RYR2: variants seen among roughly 807,000 people sequenced by gnomAD.
RYR2 encodes cardiac muscle ryanodine receptor-calcium release channel.
In RYR2, 227 loss-of-function variants were observed where a neutral mutation model predicts 601.1. The ratio of observed to expected loss-of-function variants is 0.38; its 90% CI spans 0.34 to 0.42. The LOEUF (loss-of-function observed/expected upper bound fraction) is 0.42, where lower values mean the gene tolerates loss of function less well. Among genes scored for constraint, RYR2 ranks in the 10% least tolerant of loss-of-function variants. The probability of loss-of-function intolerance (pLI) is 1.00; values close to 1 mark genes in which losing one functional copy is unlikely to be tolerated. For missense variants in RYR2, 4,646 were observed against 6,156.5 expected (o/e 0.75, Z 8.21); for synonymous variants, 2,223 against 2,175.1 (o/e 1.02, Z -0.61).
At chr1:237,326,718 G>T (rs149645669) in intron 2 of RYR2, among the ~76,000 whole-genome samples, 257 of 152,264 alleles carry the variant, frequency 1.7e-3, no homozygotes, top group African/African-American at 5.9e-3. Context: ...TAAGACTTAA[G>T]CAAAAACAAA....
At chr1:237,415,905 G>A (rs1429411665) in intron 10 of RYR2, among the ~76,000 whole-genome samples, 4 of 152,140 alleles carry the variant, frequency 2.6e-5, no homozygotes, top group Non-Finnish European at 5.9e-5. Context: ...CAGGTAAAAC[G>A]CGGTTGTCCC....
At chr1:237,077,702 C>G (rs1218674151) in intron 1 of RYR2, among the ~76,000 whole-genome samples, 7 of 151,352 alleles carry the variant, frequency 4.6e-5, no homozygotes, top group Non-Finnish European at 5.9e-5. Flanking sequence ...CCACTGTCAA[C>G]ATTAGACAGA....
chr1:237,376,417 C>T (rs1407256046), intron 7 of RYR2, among the ~76,000 whole-genome samples: 1 of 152,010 alleles, frequency 6.6e-6, no homozygotes, highest in Non-Finnish European at 1.5e-5. Flanking sequence ...CATACCAAGT[C>T]CCACTGTTAG....
chr1:237,735,297 T>C (rs1454782051), intron 79 of RYR2, among the ~76,000 whole-genome samples: 6 of 152,162 alleles, frequency 3.9e-5, no homozygotes, highest in Admixed American at 3.9e-4. Flanking sequence ...TGTTTCTTCA[T>C]TGCAAAGATT....
intron 1 of RYR2, among the ~76,000 whole-genome samples, chr1:237,215,166 G>GT (rs900947109): frequency 2.6e-5 from 4 of 152,130 alleles, no homozygotes; most frequent in African/African-American, 9.7e-5. Context: ...CTTGAAATTT[G>GT]TTTTTTTCCC....
rs374235030 is a variant in RYR2 at position 237,551,633 on chromosome 1, A to G, written c.3214+942A>G. ...TAATACCCATTTTCAAAAAATTGGC[A>G]AAAAACAAATTACGGTTGTGTGCTT... On this transcript the variant is annotated intron_variant, in intron 27 of 104. Transcript: ENST00000366574. Among the ~76,000 whole-genome samples, 19 of 152,092 alleles carry G rather than the reference A, an allele frequency of 1.2e-4. No individual in the cohort carries two copies. The East Asian group carries it at 2.1e-3, about 17-fold the overall frequency.
At chr1:237,534,848 T>G (rs1158813083) in intron 25 of RYR2, among the ~76,000 whole-genome samples, 10 of 152,024 alleles carry the variant, frequency 6.6e-5, no homozygotes, top group Non-Finnish European at 1.3e-4. Flanking sequence ...TTTTTTAGGT[T>G]GATGAATATG....
chr1:237,044,439 C>G (rs1660309853), intron 1 of RYR2, among the ~76,000 whole-genome samples: 1 of 152,110 alleles, frequency 6.6e-6, no homozygotes, highest in Admixed American at 6.5e-5. Flanking sequence ...AACGTGCTGG[C>G]TGATGAGGTT....
intron 84 of RYR2, among the ~76,000 whole-genome samples, chr1:237,761,319 A>G (rs1023659523): frequency 1.3e-5 from 2 of 152,084 alleles, no homozygotes; most frequent in African/African-American, 4.8e-5. Context: ...TTTATTAGAG[A>G]ATTTTCTGGG....
Position 237,422,154 on chromosome 1 carries a change from C to T in RYR2, c.849-938C>T, listed in dbSNP as rs1705664923. Among the ~76,000 whole-genome samples the T allele has an allele frequency of 2.0e-5, 3 of 152,150 alleles. No individual in the cohort carries two copies. In the South Asian group the frequency reaches 6.2e-4, roughly 31 times the overall value. On this transcript the variant is annotated intron_variant, in intron 11 of 104. Transcript: ENST00000366574. ...TGGTTAAAGCTCCTAAATACACAACCTTCAGTTAACAAGGTAATGTGCAAA... is the reference window on the plus strand; with the variant it reads ...TGGTTAAAGCTCCTAAATACACAACTTTCAGTTAACAAGGTAATGTGCAAA...
intron 84 of RYR2, among the ~76,000 whole-genome samples, chr1:237,763,013 G>T (rs542109923): frequency 6.6e-6 from 1 of 152,026 alleles, no homozygotes; most frequent in Non-Finnish European, 1.5e-5. Context: ...ATTCTTTTTT[G>T]TTGTAGACTG....
intron 1 of RYR2, among the ~76,000 whole-genome samples, chr1:237,163,337 G>A (rs980403168): frequency 4.0e-5 from 4 of 99,608 alleles, no homozygotes; most frequent in African/African-American, 9.4e-5. Flanking sequence ...AAAAAGTACC[G>A]CCCACCCCCA....
intron 12 of RYR2, among the ~76,000 whole-genome samples, chr1:237,434,782 C>G (rs762151381): frequency 1.3e-5 from 2 of 151,452 alleles, no homozygotes; most frequent in Non-Finnish European, 1.5e-5. Context: ...AAATATAAAA[C>G]TTTTTTTTTG....
Position 237,491,013 on chromosome 1 carries a change from C to G in RYR2, c.1709-793C>G, listed in dbSNP as rs536632327. On this transcript the variant is annotated intron_variant, in intron 17 of 104. Coordinates refer to ENST00000366574, the MANE Select transcript of RYR2 (RefSeq NM_001035.3). ...CCATTCTCATTGTTGACAAGGCAAG[C>G]TTGTTCAGAAAACATGAACACAGAG... 4.2e-3 allele frequency among the ~76,000 whole-genome samples: 634 copies of G among 152,214 alleles called. 4 individuals carry two copies. The highest frequency in any genetic ancestry group is 0.017 in the South Asian group (82 of 4,816).
intron 24 of RYR2, among the ~76,000 whole-genome samples, chr1:237,523,628 T>C (rs2779355): frequency 0.48 from 72,256 of 151,382 alleles, 17,495 homozygotes; most frequent in East Asian, 0.58. Flanking sequence ...TCCCAGCTAC[T>C]AGGGAGACTG....
chr1:237,812,003 T>C (rs1192232495), intron 100 of RYR2, among the ~76,000 whole-genome samples: 2 of 152,314 alleles, frequency 1.3e-5, no homozygotes, highest in East Asian at 1.9e-4. Flanking sequence ...ATTTGTCAAG[T>C]GCTTATATAG....
At chr1:237,210,007 C>T (rs1288941072) in intron 1 of RYR2, among the ~76,000 whole-genome samples, 1 of 152,098 alleles carries the variant, frequency 6.6e-6, no homozygotes, top group African/African-American at 2.4e-5. Flanking sequence ...CACAACAATA[C>T]AGACAGAAGA....
chr1:237,643,298 G>A (rs1218560377), intron 47 of RYR2, 29 bp from the exon 48 acceptor site: 2 of 1,605,784 alleles, frequency 1.2e-6, no homozygotes, highest in East Asian at 4.5e-5. Context: ...TCACAAAGTT[G>A]TTCTAATGTT....
At chr1:237,538,043 A>C (rs928835376) in intron 25 of RYR2, among the ~76,000 whole-genome samples, 7 of 152,202 alleles carry the variant, frequency 4.6e-5, no homozygotes, top group Non-Finnish European at 8.8e-5. Flanking sequence ...GTTTTAATCT[A>C]CTTAAAAAAA....
Sources: gnomAD v4.1 joint callset for allele counts (sites outside exome capture counted in the v4.1 genomes callset) on GRCh38, gnomAD v4.1.1 for gene constraint, MANE v1.5 for transcripts, NCBI Gene and HGNC (gene_info 2026-07-23, HGNC 2026-07-21) for gene names.